PDE1C: variants seen among roughly 807,000 people sequenced by gnomAD.
PDE1C encodes the protein dual specificity calcium/calmodulin-dependent 3',5'-cyclic nucleotide phosphodiesterase 1C.
In PDE1C, 62 loss-of-function variants were observed where a neutral mutation model predicts 93.1. The ratio of observed to expected loss-of-function variants is 0.67; its 90% CI spans 0.54 to 0.82. The LOEUF (loss-of-function observed/expected upper bound fraction) is 0.82. PDE1C is among the 40% of genes least tolerant of loss of function. The pLI, the probability that PDE1C is intolerant of heterozygous loss-of-function variation, is 0.00. For synonymous variants in PDE1C, 325 were observed against 310.1 expected, an observed-to-expected ratio of 1.05 and a Z score of -0.50; for missense variants, 742 against 884.6, an observed-to-expected ratio of 0.84 and a Z score of 2.04.
chr7:31,994,182 C>T (rs917876859), intron 2 of PDE1C, among the ~76,000 whole-genome samples: 2 of 152,128 alleles, frequency 1.3e-5, no homozygotes, highest in East Asian at 1.9e-4. Flanking sequence ...CACCAATTCC[C>T]TGATATGCTA....
chr7:31,867,822 A>ACTACTGGGGCCCAAGGT (rs1485581964), intron 6 of PDE1C, among the ~76,000 whole-genome samples: 20 of 152,164 alleles, frequency 1.3e-4, no homozygotes, highest in Non-Finnish European at 2.8e-4. Flanking sequence ...CACCACTGCC[A>ACTACTGGGGCCCAAGGT]CTACTGGGGC....
chr7:31,641,954 AG>A, the PDE1C span, among the ~76,000 whole-genome samples: 3 of 152,050 alleles, frequency 2.0e-5, no homozygotes, highest in Admixed American at 6.6e-5. Context: ...CCTTCGTTTC[AG>A]GTTTTATTCT....
At chr7:32,121,734 C>T (rs1460258351) in intron 3 of PDE1C, among the ~76,000 whole-genome samples, 1 of 152,070 alleles carries the variant, frequency 6.6e-6, no homozygotes, top group Non-Finnish European at 1.5e-5. Context: ...CTAGATATGG[C>T]AAGGAAAAAC....
At chr7:32,005,082 TGA>T (rs1344709447) in intron 2 of PDE1C, among the ~76,000 whole-genome samples, 1 of 152,214 alleles carries the variant, frequency 6.6e-6, no homozygotes, top group Non-Finnish European at 1.5e-5. Context: ...AATGTTTTAC[TGA>T]TCCATAGCAC....
chr7:31,845,920 G>T (rs1792515384), intron 9 of PDE1C, among the ~76,000 whole-genome samples: 3 of 152,210 alleles, frequency 2.0e-5, no homozygotes, highest in African/African-American at 2.4e-5. Flanking sequence ...TTGAATTTGG[G>T]AAGCGAAGGT....
the PDE1C span, chr7:31,692,318 G>A: frequency 1.3e-6 from 1 of 753,726 alleles, no homozygotes; most frequent in Non-Finnish European, 2.2e-6. Flanking sequence ...ACAATAGCAG[G>A]TGCTCAACAA....
intron 1 of PDE1C, among the ~76,000 whole-genome samples, chr7:32,290,525 C>G (rs1812268251): frequency 6.6e-6 from 1 of 152,166 alleles, no homozygotes; most frequent in African/African-American, 2.4e-5. Flanking sequence ...ATCGCTATCC[C>G]CATTTACTAA....
intron 2 of PDE1C, among the ~76,000 whole-genome samples, chr7:32,204,158 C>T (rs964480359): frequency 6.6e-6 from 1 of 152,152 alleles, no homozygotes; most frequent in Non-Finnish European, 1.5e-5. Flanking sequence ...AGCATCTACA[C>T]ATGGATCCAC....
chr7:32,369,062 T>C (rs955284632), intron 1 of PDE1C, among the ~76,000 whole-genome samples: 2 of 152,136 alleles, frequency 1.3e-5, no homozygotes, highest in East Asian at 1.9e-4. Flanking sequence ...TTAGGGGGAA[T>C]GCTTCAGGAT....
In PDE1C at chr7:32,405,253, C is replaced by CT. The variant is rs59015406; in HGVS notation, c.310+22568dup. ...ATAATTAACTTATTTTTTCTTTTTT[C>CT]TTTTTTTTTTTTTTTGAGATGGAAT... On this transcript the variant is annotated intron_variant, in intron 1 of 1. Transcript: ENST00000672256. 8.0e-3 allele frequency among the ~76,000 whole-genome samples: 1,109 copies of CT among 138,900 alleles called. 14 individuals are homozygous for CT. Among genetic ancestry groups the CT allele is most frequent in the African/African-American group, 0.027 (1,022 of 37,908 alleles). 91.1% of individuals were successfully genotyped at this position (138,900 alleles called of 152,430 possible). A position where few individuals can be genotyped will look rare whatever the true frequency, so the allele number is the denominator to read the frequency against.
At chr7:31,849,656 T>C (rs898514268) in intron 8 of PDE1C, among the ~76,000 whole-genome samples, 7 of 152,200 alleles carry the variant, frequency 4.6e-5, no homozygotes, top group African/African-American at 1.2e-4. Flanking sequence ...CTTTTTCAAG[T>C]GAAATCAGCA....
intron 2 of PDE1C, among the ~76,000 whole-genome samples, chr7:31,891,093 C>G (rs1798574517): frequency 6.6e-6 from 1 of 152,154 alleles, no homozygotes; most frequent in African/African-American, 2.4e-5. Flanking sequence ...GGTTGTCTGT[C>G]CCACCTTGTG....
At chr7:31,697,886 T>C in the PDE1C span, among the ~76,000 whole-genome samples, 2 of 152,224 alleles carry the variant, frequency 1.3e-5, no homozygotes, top group African/African-American at 4.8e-5. Context: ...AAACAGAGAA[T>C]TTAATTAACT....
At chr7:32,198,120 T>G (rs564377147) in intron 2 of PDE1C, among the ~76,000 whole-genome samples, 1 of 152,226 alleles carries the variant, frequency 6.6e-6, no homozygotes, top group Non-Finnish European at 1.5e-5. Flanking sequence ...CTGAGGTATA[T>G]CCTTTAGCAG....
the PDE1C span, among the ~76,000 whole-genome samples, chr7:31,654,422 T>C: frequency 6.6e-6 from 1 of 152,174 alleles, no homozygotes; most frequent in Non-Finnish European, 1.5e-5. Context: ...TGAATCCTTT[T>C]TCCAAGGGTA....
At chr7:31,918,168 G>A (rs192956206) in intron 2 of PDE1C, among the ~76,000 whole-genome samples, 1 of 152,166 alleles carries the variant, frequency 6.6e-6, no homozygotes, top group East Asian at 1.9e-4. Flanking sequence ...TTCAATGATA[G>A]ATATCAATTA....
chr7:32,267,431 C>T lies in PDE1C; in HGVS notation c.85+31220G>A, dbSNP rs187646591. On this transcript the variant is annotated intron_variant, in intron 1 of 18. Coordinates refer to the PDE1C transcript ENST00000396193. Reference sequence around the variant, plus strand: ...GGAGTGAAAAGAGGGGGCACGTCCACGTAAGGAACAGATGAAGAAAGTGGA... The same window carrying T: ...GGAGTGAAAAGAGGGGGCACGTCCATGTAAGGAACAGATGAAGAAAGTGGA... 4.6e-5 allele frequency among the ~76,000 whole-genome samples: 7 copies of T among 152,138 alleles called. No individual in the cohort carries two copies. The East Asian group carries it at 5.9e-4, about 13-fold the overall frequency.
At chr7:31,881,069 A>G (rs888809299) in intron 2 of PDE1C, among the ~76,000 whole-genome samples, 8 of 152,220 alleles carry the variant, frequency 5.3e-5, no homozygotes, top group African/African-American at 1.4e-4. Context: ...TTTCTCTCCA[A>G]CCAGGCACTG....
chr7:31,750,793 G>A (rs898192347), downstream of PDE1C, among the ~76,000 whole-genome samples: 25 of 152,166 alleles, frequency 1.6e-4, no homozygotes, highest in African/African-American at 5.6e-4. Context: ...ATGCAGCGGC[G>A]TGATCTCGGC....
Sources: gnomAD v4.1 joint callset for allele counts (sites outside exome capture counted in the v4.1 genomes callset) on GRCh38, gnomAD v4.1.1 for gene constraint, MANE v1.5 for transcripts, NCBI Gene and HGNC (gene_info 2026-07-23, HGNC 2026-07-21) for gene names.